The following KATNIP variants were observed in gnomAD, a reference collection of about 807,000 sequenced individuals.
KATNIP encodes the protein katanin interacting protein.
In KATNIP, 126 loss-of-function variants were observed where a neutral mutation model predicts 174.0. The ratio of observed to expected loss-of-function variants is 0.72; its 90% CI spans 0.63 to 0.84. KATNIP has a LOEUF of 0.84. KATNIP is among the 40% of genes least tolerant of loss of function. The pLI, the probability that KATNIP is intolerant of heterozygous loss-of-function variation, is 0.00. For synonymous variants in KATNIP, 810 were observed against 835.7 expected (o/e 0.97, Z 0.53); for missense variants, 1,958 against 2,109.7 (o/e 0.93, Z 1.41).
intron 2 of KATNIP, among the ~76,000 whole-genome samples, chr16:27,577,947 G>A (rs1291586743): frequency 6.6e-6 from 1 of 152,072 alleles, no homozygotes; most frequent in Non-Finnish European, 1.5e-5. Context: ...GAGAACCACT[G>A]GCATAAAGCA....
intron 20 of KATNIP, among the ~76,000 whole-genome samples, chr16:27,767,981 G>A (rs149306489): frequency 6.6e-6 from 1 of 152,248 alleles, no homozygotes; most frequent in Admixed American, 6.5e-5. Flanking sequence ...AGTCTGTCTG[G>A]TAGAGCTTCT....
At chr16:27,631,695 G>A (rs908050792) in intron 5 of KATNIP, among the ~76,000 whole-genome samples, 5 of 152,122 alleles carry the variant, frequency 3.3e-5, no homozygotes, top group African/African-American at 4.8e-5. Context: ...CCACTTGGGG[G>A]TATAGGAAGG....
rs575396028 is a variant in KATNIP, at chr16:27,640,378, C to T, written c.409-8226C>T. ...GGCGTGGAGGTGGGAGGCAGGGAGC[C>T]ATGCACGGCCTGGGGGGCTGGGTTG... On this transcript the variant is annotated intron_variant, in intron 5 of 27. Transcript: ENST00000261588. 1.2e-4 allele frequency among the ~76,000 whole-genome samples: 18 copies of T among 152,306 alleles called. No individual in the cohort carries two copies. In the South Asian group the frequency reaches 3.7e-3, roughly 32 times the overall value.
intron 1 of KATNIP, among the ~76,000 whole-genome samples, chr16:27,552,938 C>T (rs1319759138): frequency 2.0e-5 from 3 of 152,158 alleles, no homozygotes; most frequent in Non-Finnish European, 2.9e-5. Flanking sequence ...AGGTGATCCG[C>T]CCGCCTTGGC....
intron 6 of KATNIP, among the ~76,000 whole-genome samples, chr16:27,655,165 C>A (rs1217771698): frequency 1.5e-4 from 19 of 124,102 alleles, no homozygotes; most frequent in African/African-American, 5.6e-4. Flanking sequence ...TGGGCTGCTA[C>A]CCCCTAGAAT....
chr16:27,663,154 TTTTTTTTTTTTTTTTTTTTTTTA>T (rs2077577389), intron 6 of KATNIP, among the ~76,000 whole-genome samples: 2 of 128,654 alleles, frequency 1.6e-5, no homozygotes, highest in African/African-American at 6.8e-5. Flanking sequence ...TTCTTCTTCT[TTTTTTTTTTTTTTTTTTTTTTTA>T]GGTAGAGAAG....
At chr16:27,642,602 C>T (rs2076833840) in intron 5 of KATNIP, among the ~76,000 whole-genome samples, 2 of 151,996 alleles carry the variant, frequency 1.3e-5, no homozygotes, top group Admixed American at 6.6e-5. Flanking sequence ...GCCCTAGCGC[C>T]GAGGGTAACA....
intron 1 of KATNIP, among the ~76,000 whole-genome samples, chr16:27,556,577 A>G (rs1183388894): frequency 1.3e-5 from 2 of 152,174 alleles, no homozygotes; most frequent in South Asian, 2.1e-4. Flanking sequence ...TGCTTAGCAA[A>G]CTTTCTCAAA....
chr16:27,723,037 G>A (rs2143020797), intron 14 of KATNIP, among the ~76,000 whole-genome samples: 1 of 152,316 alleles, frequency 6.6e-6, no homozygotes, highest in East Asian at 1.9e-4. Flanking sequence ...AAGCTGTGAT[G>A]GCAAAGGACA....
intron 6 of KATNIP, among the ~76,000 whole-genome samples, chr16:27,671,628 C>A (rs2077907618): frequency 6.6e-6 from 1 of 152,182 alleles, no homozygotes; most frequent in African/African-American, 2.4e-5. Context: ...ATCTCGAGGC[C>A]TCCTCCCTGT....
intron 3 of KATNIP, among the ~76,000 whole-genome samples, chr16:27,626,886 C>A (rs1276005358): frequency 6.6e-6 from 1 of 151,810 alleles, no homozygotes; most frequent in Non-Finnish European, 1.5e-5. Flanking sequence ...ATCGCTTGAA[C>A]CCCAGGAGGT....
chr16:27,660,652 T>TA lies in KATNIP; in HGVS notation c.540+11919dup, dbSNP rs58961682. On this transcript the variant is annotated intron_variant, in intron 6 of 27. Transcript: ENST00000261588. ...ATATCAGTACTTTTTTTTTTTTTTT[T>TA]AAGAGATGGGGTCTCACTACATTGC... is the stretch of plus-strand genomic sequence containing the variant. 4.0e-5 allele frequency among the ~76,000 whole-genome samples: 6 copies of TA among 150,830 alleles called. No individual in the cohort carries two copies. The Admixed American group carries it at 4.0e-4, about 10-fold the overall frequency.
chr16:27,557,003 T>G (rs573746820), intron 1 of KATNIP, among the ~76,000 whole-genome samples: 1 of 152,196 alleles, frequency 6.6e-6, no homozygotes, highest in South Asian at 2.1e-4. Flanking sequence ...TTTTTCCTTA[T>G]GAGATTCATT....
At chr16:27,668,430 A>G (rs1278807562) in intron 6 of KATNIP, among the ~76,000 whole-genome samples, 2 of 152,170 alleles carry the variant, frequency 1.3e-5, no homozygotes, top group Non-Finnish European at 2.9e-5. Context: ...CTCTTTGCCT[A>G]CTGCCATCCA....
chr16:27,749,930 T>C lies in KATNIP; in HGVS notation c.2970T>C (p.Tyr990=), dbSNP rs775249987. The change falls in exon 16 of 28, where the codon TAT becomes TAC. Residue 990 remains tyrosine (Y), a synonymous_variant. Coordinates refer to ENST00000261588, the MANE Select transcript of KATNIP (RefSeq NM_015202.5). ...DIKSTWGDRH[Y]VGLNGIEIFS... ...AGTCTACCTGGGGGGACAGACACTA[T>C]GTCGGCCTCAACGGAATAGAAATAT... 17 of 1,614,074 alleles carry C rather than the reference T, an allele frequency of 1.1e-5. No homozygotes were observed. The highest frequency in any genetic ancestry group is 1.6e-4 in the Middle Eastern group (1 of 6,084).
intron 8 of KATNIP, among the ~76,000 whole-genome samples, chr16:27,690,868 T>C (rs193134756): frequency 8.7e-4 from 132 of 152,282 alleles, no homozygotes; most frequent in African/African-American, 3.0e-3. Flanking sequence ...TTCCCACATA[T>C]GAATACTGTT....
chr16:27,777,383 C>T lies in KATNIP; in HGVS notation c.4552-227C>T, dbSNP rs997516467. Among the ~76,000 whole-genome samples, 3 of 152,322 alleles carry T rather than the reference C, an allele frequency of 2.0e-5. No homozygotes were observed. The highest frequency in any genetic ancestry group is 1.9e-4 in the East Asian group (1 of 5,188). On this transcript the variant is annotated intron_variant, in intron 25 of 27. Coordinates refer to ENST00000261588, the MANE Select transcript of KATNIP (RefSeq NM_015202.5). This position sits in a 1 kb window ranked among gnomAD's most constrained non-coding sequence, Gnocchi z 4.4. ...TTGTGCTAATGGTATTAAAGCCCCT[C>T]GGGCCTCAATTTCCTCATCTGCAAT... is the stretch of plus-strand genomic sequence containing the variant.
Position 27,661,869 on chromosome 16 carries a change from C to T in KATNIP, c.540+13134C>T, listed in dbSNP as rs1393868872. On this transcript the variant is annotated intron_variant, in intron 6 of 27. Coordinates refer to ENST00000261588, the MANE Select transcript of KATNIP (RefSeq NM_015202.5). The stretch of plus-strand genomic sequence containing the variant: ...CAAGCTTTCCTACTACCTCAGCCTC[C>T]CAGGTAGCTGGGATTACAGGCACAA... Among the ~76,000 whole-genome samples the T allele has an allele frequency of 9.5e-5, 12 of 126,044 alleles. No individual in the cohort carries two copies. The East Asian group carries it at 1.6e-3, about 17-fold the overall frequency. 82.7% of individuals were successfully genotyped at this position (126,044 alleles called of 152,430 possible).
chr16:27,638,359 G>A (rs2076697417), intron 5 of KATNIP, among the ~76,000 whole-genome samples: 1 of 152,204 alleles, frequency 6.6e-6, no homozygotes, highest in Non-Finnish European at 1.5e-5. Context: ...AAGACAGGCT[G>A]GATTGGTTTG....
Sources: gnomAD v4.1 joint callset for allele counts (sites outside exome capture counted in the v4.1 genomes callset) on GRCh38, gnomAD v4.1.1 for gene constraint, Gnocchi (gnomAD v3.1) non-coding constraint, MANE v1.5 for transcripts, NCBI Gene and HGNC (gene_info 2026-07-23, HGNC 2026-07-21) for gene names.